CSGALNACT1: variants seen among roughly 807,000 people sequenced by gnomAD.
The protein encoded by CSGALNACT1 is chondroitin sulfate N-acetylgalactosaminyltransferase 1.
In CSGALNACT1, 52 loss-of-function variants were observed where a neutral mutation model predicts 51.0. The ratio of observed to expected loss-of-function variants is 1.02; its 90% CI spans 0.82 to 1.29. The LOEUF (loss-of-function observed/expected upper bound fraction) is 1.29. CSGALNACT1 is among the 50% of genes most tolerant of loss of function. CSGALNACT1 has a pLI of 0.00. For missense variants in CSGALNACT1, 935 were observed against 679.2 expected, an observed-to-expected ratio of 1.38 and a Z score of -4.19; for synonymous variants, 341 against 254.4, an observed-to-expected ratio of 1.34 and a Z score of -3.24.
At chr8:19,522,767 TC>T (rs2080975598) in intron 3 of CSGALNACT1, among the ~76,000 whole-genome samples, 1 of 152,198 alleles carries the variant, frequency 6.6e-6, no homozygotes, top group South Asian at 2.1e-4. Context: ...ATTGCAATTT[TC>T]CAGTAGCTCA....
At chr8:19,630,353 T>C (rs2055075563) in intron 1 of CSGALNACT1, among the ~76,000 whole-genome samples, 1 of 152,168 alleles carries the variant, frequency 6.6e-6, no homozygotes, top group Non-Finnish European at 1.5e-5. Context: ...AGAGCAATTT[T>C]AGACTTACAG....
At chr8:19,461,572 CACATTCACCATGGGGGGCG>C in intron 4 of CSGALNACT1, among the ~76,000 whole-genome samples, 9 of 144,072 alleles carry the variant, frequency 6.2e-5, no homozygotes, top group African/African-American at 2.3e-4. Context: ...GCACAGCGGC[CACATTCACCATGGGGGGCG>C]TATCCGCACA....
chr8:19,456,397 T>C (rs1015895911), intron 5 of CSGALNACT1, among the ~76,000 whole-genome samples: 10 of 152,144 alleles, frequency 6.6e-5, no homozygotes, highest in Admixed American at 3.9e-4. Flanking sequence ...GGCAGCTTCT[T>C]TGCCAAATGA....
intron 1 of CSGALNACT1, among the ~76,000 whole-genome samples, chr8:19,612,946 GAAAAAAAAAAA>G (rs1165754811): frequency 3.0e-3 from 46 of 15,444 alleles, no homozygotes; most frequent in Admixed American, 6.5e-3. Flanking sequence ...AAAGCAGCTG[GAAAAAAAAAAA>G]AAAAAAAAAA....
chr8:19,619,248 CGG>C (rs58524593), intron 1 of CSGALNACT1, among the ~76,000 whole-genome samples: 1 of 41,392 alleles, frequency 2.4e-5, no homozygotes. Flanking sequence ...TAGACAGGGT[CGG>C]GGGGGGGTGG....
chr8:19,608,857 A>G (rs144528419), intron 1 of CSGALNACT1, among the ~76,000 whole-genome samples: 1 of 152,216 alleles, frequency 6.6e-6, no homozygotes, highest in East Asian at 1.9e-4. Flanking sequence ...GGTAATTTTT[A>G]TCTTCTTCCT....
intron 9 of CSGALNACT1, among the ~76,000 whole-genome samples, chr8:19,406,480 AG>A (rs1355897517): frequency 6.6e-6 from 1 of 152,138 alleles, no homozygotes. Context: ...AAAAATAGCT[AG>A]AAGACTGATA....
chr8:19,751,959 C>T (rs2065055676), intron 1 of CSGALNACT1, among the ~76,000 whole-genome samples: 1 of 151,534 alleles, frequency 6.6e-6, no homozygotes, highest in African/African-American at 2.4e-5. Flanking sequence ...ATTGTGAGAA[C>T]AGACTAATAC....
intron 1 of CSGALNACT1, among the ~76,000 whole-genome samples, chr8:19,653,536 G>A (rs1327296907): frequency 1.3e-5 from 2 of 152,214 alleles, no homozygotes; most frequent in Non-Finnish European, 2.9e-5. Context: ...GCTCATGCCT[G>A]TAATCCCAGC....
chr8:19,468,292 G>C (rs1232757221), intron 4 of CSGALNACT1, among the ~76,000 whole-genome samples: 1 of 152,154 alleles, frequency 6.6e-6, no homozygotes, highest in Non-Finnish European at 1.5e-5. Flanking sequence ...AGCTTGTTAT[G>C]TTTGGCCACC....
chr8:19,496,410 G>A (rs1225715519), intron 4 of CSGALNACT1, among the ~76,000 whole-genome samples: 1 of 152,172 alleles, frequency 6.6e-6, no homozygotes, highest in Non-Finnish European at 1.5e-5. Flanking sequence ...TAAGCTATGG[G>A]ACTCTGCTTG....
chr8:19,501,417 C>A (rs191615687), intron 4 of CSGALNACT1, among the ~76,000 whole-genome samples: 3 of 152,258 alleles, frequency 2.0e-5, no homozygotes, highest in East Asian at 1.9e-4. Context: ...AACATCTGAA[C>A]TTTGGAGGGG....
chr8:19,605,472 C>T (rs983864340), upstream of CSGALNACT1, among the ~76,000 whole-genome samples: 3 of 152,142 alleles, frequency 2.0e-5, no homozygotes, highest in South Asian at 2.1e-4. Context: ...TTCATTCACT[C>T]GTTCTTGTAT....
chr8:19,500,934 A>G (rs1347578059), intron 4 of CSGALNACT1, among the ~76,000 whole-genome samples: 1 of 152,192 alleles, frequency 6.6e-6, no homozygotes, highest in African/African-American at 2.4e-5. Context: ...AGAGGAATGC[A>G]GTGTCCTCCC....
chr8:19,497,014 C>G (rs2075608295), intron 4 of CSGALNACT1, among the ~76,000 whole-genome samples: 1 of 152,112 alleles, frequency 6.6e-6, no homozygotes, highest in Non-Finnish European at 1.5e-5. Flanking sequence ...GAGCAAAAAC[C>G]TTATTGGTGG....
At chr8:19,456,381 G>C (rs963204408) in intron 5 of CSGALNACT1, among the ~76,000 whole-genome samples, 7 of 152,170 alleles carry the variant, frequency 4.6e-5, no homozygotes, top group Admixed American at 3.3e-4. Context: ...AACCCAGTAA[G>C]ACATAGGCAG....
At chr8:19,691,621 G>A (rs1304604997) in intron 1 of CSGALNACT1, among the ~76,000 whole-genome samples, 2 of 152,140 alleles carry the variant, frequency 1.3e-5, no homozygotes, top group Non-Finnish European at 2.9e-5. Context: ...TTCACAGACG[G>A]CCTAGGGGAC....
intron 3 of CSGALNACT1, among the ~76,000 whole-genome samples, chr8:19,579,325 C>G (rs897990345): frequency 2.6e-5 from 4 of 152,160 alleles, no homozygotes; most frequent in African/African-American, 7.2e-5. Flanking sequence ...TTAAATGAAC[C>G]AACTTCTTGG....
chr8:19,717,699 A>G (rs17091020), intron 1 of CSGALNACT1, among the ~76,000 whole-genome samples: 1 of 152,114 alleles, frequency 6.6e-6, no homozygotes, highest in African/African-American at 2.4e-5. Flanking sequence ...ACTCAGTTTA[A>G]CAACCCCAGC....
Sources: allele counts gnomAD v4.1 joint callset (sites outside exome capture counted in the v4.1 genomes callset), GRCh38; gene constraint gnomAD v4.1.1; transcripts MANE v1.5; gene names NCBI Gene and HGNC (gene_info 2026-07-23, HGNC 2026-07-21).